Variants in ZNF850 observed in about 807,000 individuals in gnomAD.
The protein encoded by ZNF850 is zinc finger protein 850, also known as putative zinc finger protein ENSP00000330994.
ZNF850 carries 2 observed loss-of-function variants against 11.9 expected under a neutral mutation model. The ratio of observed to expected loss-of-function variants is 0.17; its 90% CI spans 0.07 to 0.53. The LOEUF is 0.53. ZNF850 is among the 20% of genes least tolerant of loss of function. The pLI, the probability that ZNF850 is intolerant of heterozygous loss-of-function variation, is 0.94. For missense variants in ZNF850, 1,014 were observed against 1,316.4 expected, an observed-to-expected ratio of 0.77 and a Z score of 3.55; for synonymous variants, 381 against 443.0, an observed-to-expected ratio of 0.86 and a Z score of 1.76.
intron 1 of ZNF850, among the ~76,000 whole-genome samples, chr19:36,769,362 G>A (rs565831822): frequency 6.6e-6 from 1 of 151,948 alleles, no homozygotes; most frequent in African/African-American, 2.4e-5. Context: ...GCACTTTGGA[G>A]GCAGAGGTAG....
In ZNF850 at chr19:36,750,136, T is replaced by C. The variant is rs2040443809; in HGVS notation, c.904A>G (p.Ile302Val). The C allele has an allele frequency of 2.7e-5, 41 of 1,538,640 alleles. No individual in the cohort carries two copies. Among genetic ancestry groups the C allele is most frequent in the Non-Finnish European group, 3.6e-5 (41 of 1,146,976 alleles). The change falls in exon 5 of 5, where the codon ATT (isoleucine) becomes GTT (valine). Residue 302 changes from isoleucine to valine, a missense_variant. Coordinates refer to ENST00000591344, the MANE Select transcript of ZNF850 (RefSeq NM_001193552.2). ...TGATAGGGTTTCTCACCAGTGTGAA[T>C]TTGCTGATGTTGATTTAGTGTTGAG... Reference protein sequence around the residue: ...SGSTLNQHQQIHTGEKPYHCK... With the variant: ...SGSTLNQHQQVHTGEKPYHCK...
intron 1 of ZNF850, among the ~76,000 whole-genome samples, chr19:36,765,116 GGA>G (rs1457405785): frequency 6.6e-6 from 1 of 152,164 alleles, no homozygotes; most frequent in Non-Finnish European, 1.5e-5. Context: ...TTGGCTCTTA[GGA>G]GAGATGAGTT....
intron 4 of ZNF850, among the ~76,000 whole-genome samples, chr19:36,761,260 T>TA (rs1435396391): frequency 6.6e-6 from 1 of 151,822 alleles, no homozygotes; most frequent in East Asian, 1.9e-4. Flanking sequence ...GCCCACATGG[T>TA]AAAACCCCGT....
intron 4 of ZNF850, among the ~76,000 whole-genome samples, chr19:36,757,201 T>C: frequency 6.6e-6 from 1 of 152,138 alleles, no homozygotes; most frequent in Non-Finnish European, 1.5e-5. Context: ...CGTTGGGATA[T>C]GCTAACAATA....
At position 36,750,711 on chromosome 19, in the gene ZNF850, T is replaced by C; in HGVS notation, c.329A>G (p.His110Arg). ...SSQWVRMEKC[H>R]SLVGSSVRDD... ...TCTGACACTGGAGCCCACAAGGCTA[T>C]GACATTTTTCCATTCTCACCCACTG... Residue 110 changes from histidine (H) to arginine (R), a missense_variant, in exon 5 of 5, where the codon CAT becomes CGT. His to Arg is a conservative substitution (Grantham distance 29). Transcript: ENST00000591344. 2.0e-6 allele frequency: 3 copies of C among 1,536,286 alleles called. No individual in the cohort carries two copies. The highest frequency in any genetic ancestry group is 2.6e-6 in the Non-Finnish European group (3 of 1,146,944).
chr19:36,753,575 C>A (rs2040467684), intron 4 of ZNF850, among the ~76,000 whole-genome samples: 1 of 151,026 alleles, frequency 6.6e-6, no homozygotes, highest in Non-Finnish European at 1.5e-5. Context: ...CCTGGGTGAC[C>A]ACGGGAGAAC....
At chr19:36,771,543 T>C (rs1250349575) in intron 1 of ZNF850, among the ~76,000 whole-genome samples, 1 of 146,790 alleles carries the variant, frequency 6.8e-6, no homozygotes, top group Non-Finnish European at 1.5e-5. Context: ...GGAGCTGAAG[T>C]GAAAGTTTGG....
chr19:36,772,567 G>A (rs1213281699), intron 1 of ZNF850, among the ~76,000 whole-genome samples, 158 bp downstream of exon 1: 1 of 151,868 alleles, frequency 6.6e-6, no homozygotes, highest in East Asian at 1.9e-4. Context: ...ACCCACTCCG[G>A]GCGCGCACAG....
rs907574101 is a variant in ZNF850 at position 36,746,583 on chromosome 19, C to T, written c.*1184G>A. ...CAGGCTGGTCTTGAACTCTTAACCT[C>T]AGGTGATCCACCCACCTCAGCCTCC... On this transcript the variant is annotated 3_prime_UTR_variant, in exon 5 of 5. Transcript: ENST00000591344. 3.3e-5 allele frequency: 5 copies of T among 152,044 alleles called. No individual in the cohort carries two copies. The highest frequency in any genetic ancestry group is 1.2e-4 in the African/African-American group (5 of 41,432). 9.4% of individuals were successfully genotyped at this position (152,044 alleles called of 1,614,324 possible). A position where few individuals can be genotyped will look rare whatever the true frequency, so the allele number is the denominator to read the frequency against.
chr19:36,756,355 A>G (rs558345416), intron 4 of ZNF850, among the ~76,000 whole-genome samples: 1 of 152,310 alleles, frequency 6.6e-6, no homozygotes, highest in Admixed American at 6.5e-5. Flanking sequence ...CCCCAGAGGA[A>G]TGCATTCTTG....
rs1407546524 is a variant in ZNF850 at position 36,744,041 on chromosome 19, G to T, written c.*3726C>A. On this transcript the variant is annotated 3_prime_UTR_variant, in exon 5 of 5. Transcript: ENST00000591344. The stretch of plus-strand genomic sequence containing the variant: ...AAAAATACAAAATTAGCCGGGCGTG[G>T]TGGTGCATGCCTGTAATCCCAGCTA... The T allele has an allele frequency of 6.6e-6, 1 of 152,202 alleles. No homozygotes were observed. Among genetic ancestry groups the T allele is most frequent in the Non-Finnish European group, 1.5e-5 (1 of 68,128 alleles). 9.4% of individuals were successfully genotyped at this position (152,202 alleles called of 1,614,324 possible). A position where few individuals can be genotyped will look rare whatever the true frequency, so the allele number is the denominator to read the frequency against.
chr19:36,755,259 G>T (rs752304414), intron 4 of ZNF850, among the ~76,000 whole-genome samples: 24 of 152,034 alleles, frequency 1.6e-4, no homozygotes, highest in Non-Finnish European at 5.9e-5. Context: ...ACAGAGTCTC[G>T]CTCTGTCACC....
intron 4 of ZNF850, among the ~76,000 whole-genome samples, chr19:36,751,112 A>ATGGTGATAGTATGTACCCTTATATGATG (rs1568734405): frequency 6.6e-6 from 1 of 151,646 alleles, no homozygotes; most frequent in Non-Finnish European, 1.5e-5. Context: ...CATGGTATAC[A>ATGGTGATAGTATGTACCCTTATATGATG]TGGTGATAGT....
At chr19:36,768,312 AT>A (rs1172895560) in intron 1 of ZNF850, among the ~76,000 whole-genome samples, 1 of 152,044 alleles carries the variant, frequency 6.6e-6, no homozygotes, top group Non-Finnish European at 1.5e-5. Flanking sequence ...AAAATCATCA[AT>A]TTTTTTAAAA....
Position 36,750,495 on chromosome 19 carries a change from G to C in ZNF850, c.545C>G (p.Ser182Ter), listed in dbSNP as rs1457704265. 1.3e-6 allele frequency: 2 copies of C among 1,536,224 alleles called. No homozygotes were observed. The highest frequency in any genetic ancestry group is 3.9e-5 in the Admixed American group (2 of 50,996). ...STECMAFKYG[S>*]ELTQQQETHT... ...GGTTTCTTGCTGTTGTGTAAGTTCT[G>C]AGCCATACTTAAAAGCCATACATTC... The change falls in exon 5 of 5, where the codon TCA (serine) becomes TGA (stop). Residue 182 changes from serine to a stop codon, truncating the protein, a stop_gained. Transcript: ENST00000591344. LOFTEE classifies it low-confidence loss of function (END_TRUNC).
At position 36,750,115 on chromosome 19, in the gene ZNF850, AG is replaced by A; in HGVS notation, c.924del (p.Tyr309IlefsTer16). The A allele has an allele frequency of 6.5e-7, 1 of 1,538,614 alleles. No individual in the cohort carries two copies. Among genetic ancestry groups the A allele is most frequent in the Non-Finnish European group, 8.7e-7 (1 of 1,147,000 alleles). On this transcript the variant is annotated frameshift_variant, in exon 5 of 5. Coordinates refer to ENST00000591344, the MANE Select transcript of ZNF850 (RefSeq NM_001193552.2). LOFTEE classifies it low-confidence loss of function (END_TRUNC). ...GATTTTCCACATTGCTTACAATGAT[AG>A]GGTTTCTCACCAGTGTGAATTTGCT... ...QHQQIHTGEK[P>X]YHCKQCGKSF...
chr19:36,761,615 C>T (rs758074087), intron 4 of ZNF850, 28 bp downstream of exon 4: 1 of 1,375,626 alleles, frequency 7.3e-7, no homozygotes, highest in South Asian at 1.2e-5. Flanking sequence ...ACAGCAGTGT[C>T]TTCCCCATGT....
At chr19:36,760,933 C>T (rs2040514173) in intron 4 of ZNF850, among the ~76,000 whole-genome samples, 1 of 151,414 alleles carries the variant, frequency 6.6e-6, no homozygotes, top group African/African-American at 2.4e-5. Context: ...CTAGACAAGA[C>T]AACACACAAA....
chr19:36,756,977 A>G (rs71356016), intron 4 of ZNF850, among the ~76,000 whole-genome samples: 5,854 of 152,274 alleles, frequency 0.038, 147 homozygotes, highest in Non-Finnish European at 0.055. Context: ...GTGTTTCTGT[A>G]TATATCAGAA....
Sources: gnomAD v4.1 joint callset for allele counts (sites outside exome capture counted in the v4.1 genomes callset) on GRCh38, gnomAD v4.1.1 for gene constraint, MANE v1.5 for transcripts, NCBI Gene and HGNC (gene_info 2026-07-23, HGNC 2026-07-21) for gene names.